LUZP2: variants seen among roughly 807,000 people sequenced by gnomAD.
LUZP2 encodes leucine zipper protein 2.
In LUZP2, 52 loss-of-function variants were observed where a neutral mutation model predicts 51.6. That is an observed-to-expected ratio of 1.01 (90% CI 0.81 to 1.27). The LOEUF (loss-of-function observed/expected upper bound fraction) is 1.27. Among genes scored for constraint, LUZP2 ranks in the 50% most tolerant of loss-of-function variants. The pLI is 0.00. For synonymous variants in LUZP2, 154 were observed against 137.3 expected (o/e 1.12, Z -0.85); for missense variants, 436 against 395.4 (o/e 1.10, Z -0.87).
In LUZP2 at chr11:24,705,245, A is replaced by T. The variant is rs1031275339; in HGVS notation, c.63-23924A>T. Among the ~76,000 whole-genome samples, 3 of 152,324 alleles carry T rather than the reference A, an allele frequency of 2.0e-5. No homozygotes were observed. In the East Asian group the frequency reaches 5.8e-4, roughly 29 times the overall value. On this transcript the variant is annotated intron_variant, in intron 1 of 11. Transcript: ENST00000336930. Reference sequence around the variant, plus strand: ...AAAAGGTTGTTCTTGCCTCTTTAAAAAGAAATCATGAAAGAGAAGTGAAAA... The same window carrying T: ...AAAAGGTTGTTCTTGCCTCTTTAAATAGAAATCATGAAAGAGAAGTGAAAA...
intron 1 of LUZP2, among the ~76,000 whole-genome samples, chr11:24,667,595 T>C (rs1856260145): frequency 6.6e-6 from 1 of 152,244 alleles, no homozygotes; most frequent in South Asian, 2.1e-4. Flanking sequence ...AAGCAGAGTT[T>C]GTACATTCAA....
At chr11:24,864,777 C>T (rs1851839099) in intron 5 of LUZP2, among the ~76,000 whole-genome samples, 1 of 152,156 alleles carries the variant, frequency 6.6e-6, no homozygotes, top group African/African-American at 2.4e-5. Context: ...TCATAAGTCC[C>T]ACTCCTCAAG....
intron 7 of LUZP2, among the ~76,000 whole-genome samples, chr11:24,962,784 G>A (rs1025718808): frequency 3.9e-5 from 6 of 152,162 alleles, no homozygotes; most frequent in South Asian, 2.1e-4. Context: ...TCTCCGTCCC[G>A]CTTTGTTCCA....
chr11:24,736,571 C>A (rs920334091), intron 3 of LUZP2, among the ~76,000 whole-genome samples: 3 of 151,608 alleles, frequency 2.0e-5, no homozygotes, highest in Non-Finnish European at 2.9e-5. Context: ...CATATAGACA[C>A]TAAAACACAA....
At chr11:24,599,322 T>A (rs542014230) in intron 1 of LUZP2, among the ~76,000 whole-genome samples, 1 of 152,282 alleles carries the variant, frequency 6.6e-6, no homozygotes, top group South Asian at 2.1e-4. Context: ...CCAGTTCTGA[T>A]TCAATTTATA....
intron 7 of LUZP2, among the ~76,000 whole-genome samples, chr11:24,943,408 C>CA (rs1349800682): frequency 2.0e-5 from 3 of 151,968 alleles, no homozygotes; most frequent in Non-Finnish European, 4.4e-5. Context: ...ATTAGGAAAA[C>CA]ATTGTATTTG....
At chr11:24,605,969 G>A (rs1374830777) in intron 1 of LUZP2, among the ~76,000 whole-genome samples, 1 of 151,634 alleles carries the variant, frequency 6.6e-6, no homozygotes, top group Non-Finnish European at 1.5e-5. Flanking sequence ...GTCTTTATAT[G>A]TCTGACTTAT....
chr11:25,017,852 C>T (rs1328613294), intron 9 of LUZP2, among the ~76,000 whole-genome samples: 3 of 152,086 alleles, frequency 2.0e-5, no homozygotes, highest in Non-Finnish European at 4.4e-5. Flanking sequence ...TGCACTGCAT[C>T]TGTAAATTGT....
chr11:25,073,142 A>G (rs1197059570), intron 10 of LUZP2, among the ~76,000 whole-genome samples: 1 of 152,182 alleles, frequency 6.6e-6, no homozygotes, highest in African/African-American at 2.4e-5. Flanking sequence ...TGACAGGTTC[A>G]TAACTAAGGA....
At chr11:24,566,617 T>TAG (rs1398822507) in intron 1 of LUZP2, among the ~76,000 whole-genome samples, 3 of 92,178 alleles carry the variant, frequency 3.3e-5, no homozygotes, top group African/African-American at 1.5e-4. Context: ...TATGTATGTA[T>TAG]AGATATACAC....
At chr11:24,585,737 G>C (rs542482125) in intron 1 of LUZP2, among the ~76,000 whole-genome samples, 1 of 152,032 alleles carries the variant, frequency 6.6e-6, no homozygotes, top group East Asian at 1.9e-4. Flanking sequence ...GTGACATACA[G>C]GTAAGGGGAG....
chr11:24,788,731 A>G (rs1849320782), intron 5 of LUZP2, among the ~76,000 whole-genome samples: 2 of 152,120 alleles, frequency 1.3e-5, no homozygotes, highest in South Asian at 4.1e-4. Flanking sequence ...TATGGCAAGC[A>G]GGCAAGCTGG....
At chr11:24,834,147 A>G (rs763421766) in intron 5 of LUZP2, among the ~76,000 whole-genome samples, 9 of 151,814 alleles carry the variant, frequency 5.9e-5, no homozygotes, top group Non-Finnish European at 1.0e-4. Flanking sequence ...TTACATAGGT[A>G]TACATGTGCT....
At chr11:24,786,008 A>G (rs1263686791) in intron 5 of LUZP2, 5 of 985,184 alleles carry the variant, frequency 5.1e-6, no homozygotes, top group Non-Finnish European at 6.0e-6. Flanking sequence ...TTCAAGTGGT[A>G]CCCAGAGTTG....
chr11:24,865,789 TG>T (rs1450497730), intron 5 of LUZP2, among the ~76,000 whole-genome samples: 12 of 151,706 alleles, frequency 7.9e-5, no homozygotes, highest in African/African-American at 2.7e-4. Context: ...TATGTGTGTG[TG>T]TGTGTGTGTA....
At chr11:24,716,360 A>C (rs1590390666) in intron 1 of LUZP2, among the ~76,000 whole-genome samples, 1 of 152,330 alleles carries the variant, frequency 6.6e-6, no homozygotes, top group African/African-American at 2.4e-5. Flanking sequence ...TTAAAGACAA[A>C]AAACAAAAAC....
chr11:24,575,841 G>A (rs1484621704), intron 1 of LUZP2, among the ~76,000 whole-genome samples: 1 of 151,918 alleles, frequency 6.6e-6, no homozygotes, highest in Non-Finnish European at 1.5e-5. Flanking sequence ...CTGCAATGCT[G>A]CATCCCTTTT....
intron 1 of LUZP2, among the ~76,000 whole-genome samples, chr11:24,573,975 C>A (rs1196893915): frequency 6.6e-6 from 1 of 151,732 alleles, no homozygotes; most frequent in African/African-American, 2.4e-5. Flanking sequence ...GTGTGCTGCA[C>A]CCATTAACTC....
At chr11:25,059,157 G>A (rs1165056524) in intron 10 of LUZP2, among the ~76,000 whole-genome samples, 1 of 152,080 alleles carries the variant, frequency 6.6e-6, no homozygotes, top group African/African-American at 2.4e-5. Context: ...ATTATTCTGA[G>A]TTATTTTAAT....
Sources: gnomAD v4.1 joint callset for allele counts (sites outside exome capture counted in the v4.1 genomes callset) on GRCh38, gnomAD v4.1.1 for gene constraint, MANE v1.5 for transcripts, NCBI Gene and HGNC (gene_info 2026-07-23, HGNC 2026-07-21) for gene names.